The following APAF1 variants were observed in gnomAD, a reference collection of about 807,000 sequenced individuals.
APAF1 encodes the protein apoptotic protease-activating factor 1.
A neutral mutation model predicts 152.4 loss-of-function variants in APAF1; 91 were observed. The ratio of observed to expected loss-of-function variants is 0.60; its 90% CI spans 0.50 to 0.71. The LOEUF is 0.71. APAF1 is among the 30% of genes least tolerant of loss of function. The pLI, the probability that APAF1 is intolerant of heterozygous loss-of-function variation, is 0.00. For synonymous variants in APAF1, 484 were observed against 494.1 expected (o/e 0.98, Z 0.27); for missense variants, 1,283 against 1,472.0 (o/e 0.87, Z 2.10).
At chr12:98,713,554 T>C (rs990907552) in intron 21 of APAF1, among the ~76,000 whole-genome samples, 5 of 152,182 alleles carry the variant, frequency 3.3e-5, no homozygotes, top group African/African-American at 4.8e-5. Flanking sequence ...TAGGTAAAAA[T>C]AGAAACACTT....
intron 19 of APAF1, among the ~76,000 whole-genome samples, chr12:98,707,346 T>G (rs2097722497): frequency 6.6e-6 from 1 of 152,200 alleles, no homozygotes. Flanking sequence ...ATATTTGGAA[T>G]GCTCTACTTA....
At chr12:98,647,348 G>T (rs927418746) in intron 1 of APAF1, among the ~76,000 whole-genome samples, 5 of 150,864 alleles carry the variant, frequency 3.3e-5, no homozygotes, top group African/African-American at 1.2e-4. Context: ...ACTTCTAAAC[G>T]TCTATATATA....
At chr12:98,720,450 T>A (rs1317984983) in intron 22 of APAF1, among the ~76,000 whole-genome samples, 1 of 152,204 alleles carries the variant, frequency 6.6e-6, no homozygotes, top group Non-Finnish European at 1.5e-5. Flanking sequence ...TATCTTTGTA[T>A]CCCCAAAGCC....
intron 7 of APAF1, among the ~76,000 whole-genome samples, chr12:98,665,278 A>ATATATATATATATATATATTT (rs1491316422): frequency 2.7e-4 from 18 of 65,984 alleles, no homozygotes; most frequent in South Asian, 1.1e-3. Context: ...ATATATATAT[A>ATATATATATATATATATATTT]TTTTTTTTTT....
rs1316056871 is a variant in APAF1, at chr12:98,662,721, A to C, written c.870A>C (p.Lys290Asn). 3 of 1,612,968 alleles carry C rather than the reference A, an allele frequency of 1.9e-6. No individual in the cohort carries two copies. The highest frequency in any genetic ancestry group is 2.2e-5 in the South Asian group (2 of 91,024). The change falls in exon 7 of 27, where the codon AAA becomes AAC. Residue 290 changes from lysine (K) to asparagine (N), a missense_variant. By Grantham distance (94) the Lys-to-Asn change is moderately conservative (BLOSUM62 0). Coordinates refer to ENST00000551964, the MANE Select transcript of APAF1 (RefSeq NM_181861.2). ...TGGAGAGTTCCTTAGGAAAGGAAAA[A>C]GGACTTGAAATTTTATCCCTTTTTG... ...VPVESSLGKE[K>N]GLEILSLFVN...
intron 17 of APAF1, among the ~76,000 whole-genome samples, chr12:98,701,316 G>A (rs1175374408): frequency 6.6e-6 from 1 of 152,124 alleles, no homozygotes; most frequent in Non-Finnish European, 1.5e-5. Context: ...GAATAATGCT[G>A]CAGCATTGGT....
chr12:98,695,452 C>T (rs571827465), intron 16 of APAF1, among the ~76,000 whole-genome samples: 5 of 151,278 alleles, frequency 3.3e-5, no homozygotes, highest in Non-Finnish European at 5.9e-5. Context: ...GCAGCCTCAA[C>T]CTCCTAGGCT....
intron 7 of APAF1, among the ~76,000 whole-genome samples, chr12:98,665,080 G>T (rs1011488798): frequency 6.7e-6 from 1 of 150,104 alleles, no homozygotes; most frequent in East Asian, 2.0e-4. Flanking sequence ...CTCAGGCTAG[G>T]ATGCAGTGGT....
At chr12:98,717,934 C>G (rs2153341327) in intron 22 of APAF1, among the ~76,000 whole-genome samples, 1 of 152,244 alleles carries the variant, frequency 6.6e-6, no homozygotes, top group South Asian at 2.1e-4. Context: ...TTGGTCTCCT[C>G]AGATTCCTAG....
intron 24 of APAF1, 144 bp downstream of exon 24, chr12:98,723,908 C>A: frequency 1.2e-6 from 1 of 849,354 alleles, no homozygotes. Flanking sequence ...TGCCCATTGG[C>A]ATTTAGTTGG....
At chr12:98,725,306 CCAGA>C in intron 24 of APAF1, 105 bp from the exon 25 acceptor site, 1 of 1,395,338 alleles carries the variant, frequency 7.2e-7, no homozygotes, top group Non-Finnish European at 1.0e-6. Flanking sequence ...TTATGAATTG[CCAGA>C]TATTAGAATG....
chr12:98,710,580 G>A (rs2097726892), intron 20 of APAF1, among the ~76,000 whole-genome samples: 1 of 152,092 alleles, frequency 6.6e-6, no homozygotes, highest in African/African-American at 2.4e-5. Context: ...TTAATGAGTT[G>A]TCATTCAAAA....
At chr12:98,665,190 T>G (rs1225313067) in intron 7 of APAF1, among the ~76,000 whole-genome samples, 1 of 149,876 alleles carries the variant, frequency 6.7e-6, no homozygotes, top group African/African-American at 2.4e-5. Flanking sequence ...CCACCACACC[T>G]GGCTGATTTT....
chr12:98,685,729 G>A (rs1050495244), intron 15 of APAF1, among the ~76,000 whole-genome samples: 3 of 152,102 alleles, frequency 2.0e-5, no homozygotes, highest in Non-Finnish European at 4.4e-5. Flanking sequence ...TCTGCCTCCT[G>A]GGTTCAAGCA....
Position 98,699,463 on chromosome 12 carries a change from T to G in APAF1, c.2360T>G (p.Phe787Cys). The G allele has an allele frequency of 4.3e-6, 7 of 1,614,138 alleles. No individual in the cohort carries two copies. The highest frequency in any genetic ancestry group is 4.2e-6 in the Non-Finnish European group (5 of 1,180,000). Reference protein sequence around the residue: ...ERKSINVKQFFLNLEDPQEDM... With the variant: ...ERKSINVKQFCLNLEDPQEDM... The stretch of plus-strand genomic sequence containing the variant: ...AAAAGCATTAATGTGAAACAGTTCT[T>G]CCTAAATTTGGAGGACCCTCAAGAG... The change falls in exon 17 of 27, where the codon TTC (phenylalanine) becomes TGC (cysteine). Residue 787 changes from phenylalanine to cysteine, a missense_variant. Transcript: ENST00000551964.
At chr12:98,672,912 G>A (rs562044252) in intron 12 of APAF1, among the ~76,000 whole-genome samples, 4 of 151,464 alleles carry the variant, frequency 2.6e-5, no homozygotes, top group Non-Finnish European at 4.4e-5. Flanking sequence ...ATGCCACCAC[G>A]CCTGGCCGAT....
chr12:98,692,459 G>A (rs945913206), intron 16 of APAF1, among the ~76,000 whole-genome samples: 22 of 152,172 alleles, frequency 1.4e-4, no homozygotes, highest in Admixed American at 1.2e-3. Context: ...TGTTATGTGA[G>A]TATATTGCAT....
intron 18 of APAF1, among the ~76,000 whole-genome samples, chr12:98,706,014 T>C (rs2097720992): frequency 6.6e-6 from 1 of 152,232 alleles, no homozygotes; most frequent in Non-Finnish European, 1.5e-5. Flanking sequence ...AACTGTCCAA[T>C]ATTTCTTGCA....
intron 16 of APAF1, among the ~76,000 whole-genome samples, chr12:98,691,035 C>T (rs962546265): frequency 1.1e-4 from 17 of 152,054 alleles, no homozygotes; most frequent in Non-Finnish European, 1.8e-4. Flanking sequence ...GGTGAAACCC[C>T]GTCTCTACTA....
Sources: gnomAD v4.1 joint callset for allele counts (sites outside exome capture counted in the v4.1 genomes callset) on GRCh38, gnomAD v4.1.1 for gene constraint, MANE v1.5 for transcripts, NCBI Gene and HGNC (gene_info 2026-07-23, HGNC 2026-07-21) for gene names.